Variants in ARHGAP17 observed in about 807,000 individuals in gnomAD.
ARHGAP17 encodes Rho GTPase activating protein 17.
In ARHGAP17, 57 loss-of-function variants were observed where a neutral mutation model predicts 99.5. The observed-to-expected ratio is 0.57, with a 90% CI of 0.46 to 0.71. ARHGAP17 has a LOEUF of 0.71. Ranked by LOEUF, ARHGAP17 falls within the 30% of genes least tolerant of loss-of-function variation. ARHGAP17 has a pLI of 0.00. For missense variants in ARHGAP17, 1,000 were observed against 1,122.4 expected, an observed-to-expected ratio of 0.89 and a Z score of 1.56; for synonymous variants, 417 against 429.6, an observed-to-expected ratio of 0.97 and a Z score of 0.36.
chr16:24,951,234 G>C (rs2051635820), intron 12 of ARHGAP17, among the ~76,000 whole-genome samples: 1 of 152,102 alleles, frequency 6.6e-6, no homozygotes, highest in Admixed American at 6.5e-5. Flanking sequence ...TATAGCATTT[G>C]GGTCTGTCTG....
chr16:24,984,400 C>T (rs1197626325), intron 1 of ARHGAP17, among the ~76,000 whole-genome samples: 1 of 152,186 alleles, frequency 6.6e-6, no homozygotes, highest in African/African-American at 2.4e-5. Context: ...GGCGCAGTGG[C>T]TCACGCCTGT....
chr16:24,954,192 T>G (rs771917377), intron 10 of ARHGAP17, among the ~76,000 whole-genome samples: 2 of 152,178 alleles, frequency 1.3e-5, no homozygotes, highest in Non-Finnish European at 2.9e-5. Context: ...AAATTAAGTA[T>G]GTAAATGACC....
intron 15 of ARHGAP17, 139 bp downstream of exon 15, chr16:24,943,632 C>G: frequency 1.4e-6 from 1 of 710,322 alleles, no homozygotes; most frequent in Non-Finnish European, 2.3e-6. Context: ...ATGCAATGAA[C>G]AAAGGCTGGA....
intron 1 of ARHGAP17, among the ~76,000 whole-genome samples, chr16:25,002,678 T>C (rs1262872610): frequency 2.0e-5 from 3 of 152,238 alleles, no homozygotes; most frequent in Admixed American, 1.3e-4. Context: ...AGTCCTGCTA[T>C]GTTGGGGTTG....
intron 1 of ARHGAP17, among the ~76,000 whole-genome samples, chr16:25,008,875 A>C (rs2053573426): frequency 6.6e-6 from 1 of 152,242 alleles, no homozygotes; most frequent in Non-Finnish European, 1.5e-5. Flanking sequence ...ATTTTCACTC[A>C]ACTATAAATA....
Position 24,968,782 on chromosome 16 carries a change from C to G in ARHGAP17, c.273-10G>C, listed in dbSNP as rs565735458. On this transcript the variant is annotated splice_polypyrimidine_tract_variant and intron_variant, in intron 4 of 19. Transcript: ENST00000289968. ...CGTCTCCAGCATCTTCCTTTAAAAACAAGACCCCCAACAACGAGCACGTGC... is the reference window on the plus strand; with the variant it reads ...CGTCTCCAGCATCTTCCTTTAAAAAGAAGACCCCCAACAACGAGCACGTGC... The G allele has an allele frequency of 6.2e-7, 1 of 1,613,882 alleles. No individual in the cohort carries two copies. Among genetic ancestry groups the G allele is most frequent in the East Asian group, 2.2e-5 (1 of 44,876 alleles).
intron 1 of ARHGAP17, among the ~76,000 whole-genome samples, chr16:25,010,941 A>T (rs1210389779): frequency 6.6e-6 from 1 of 152,238 alleles, no homozygotes; most frequent in Non-Finnish European, 1.5e-5. Flanking sequence ...GGGAAACTTC[A>T]GTCAGGGAAG....
At position 24,952,944 on chromosome 16, in the gene ARHGAP17, G is replaced by A. The variant is rs767321962; in HGVS notation, c.951C>T (p.Pro317=). 5.0e-6 allele frequency: 8 copies of A among 1,613,880 alleles called. No individual in the cohort carries two copies. In the African/African-American group the frequency reaches 9.3e-5, roughly 19 times the overall value. ...TSHLDEFYSD[P]HAVAGALKSY... ...TTTGGCGCTCACCTGCTACAGCATG[G>A]GGGTCTGAATAGAACTCATCCAGGT... Residue 317 remains proline (P), a synonymous_variant, in exon 11 of 20, where the codon CCC becomes CCT. Coordinates refer to ENST00000289968, the MANE Select transcript of ARHGAP17 (RefSeq NM_001006634.3).
chr16:24,950,996 G>A (rs970254359), intron 12 of ARHGAP17, among the ~76,000 whole-genome samples: 1 of 152,116 alleles, frequency 6.6e-6, no homozygotes, highest in African/African-American at 2.4e-5. Flanking sequence ...GTCCGTAGAC[G>A]GGGAAGAGGA....
intron 1 of ARHGAP17, among the ~76,000 whole-genome samples, chr16:24,995,575 G>A (rs958510415): frequency 2.6e-5 from 4 of 152,200 alleles, no homozygotes; most frequent in Non-Finnish European, 5.9e-5. Flanking sequence ...ATACATAAGT[G>A]ACTAAATGAA....
At chr16:24,941,219 C>T (rs1034857300) in intron 16 of ARHGAP17, among the ~76,000 whole-genome samples, 12 of 152,154 alleles carry the variant, frequency 7.9e-5, no homozygotes, top group Non-Finnish European at 1.6e-4. Flanking sequence ...CTTGTCACTT[C>T]GTTTTAATGT....
Position 24,970,589 on chromosome 16 carries a change from T to C in ARHGAP17, c.199-9A>G, listed in dbSNP as rs150621577. ...GTCAGAGGCAGTTTTTTCTGGAAGA[T>C]AGAAGACAGTGTGTGTTTTTCTCAT... is the stretch of plus-strand genomic sequence containing the variant. On this transcript the variant is annotated splice_polypyrimidine_tract_variant and intron_variant, in intron 3 of 19. Coordinates refer to ENST00000289968, the MANE Select transcript of ARHGAP17 (RefSeq NM_001006634.3). 2,234 of 1,610,308 alleles carry C rather than the reference T, an allele frequency of 1.4e-3. 33 individuals are homozygous for C. In the African/African-American group the frequency reaches 0.025, roughly 18 times the overall value.
At chr16:24,941,138 A>G (rs957411891) in intron 16 of ARHGAP17, among the ~76,000 whole-genome samples, 5 of 152,098 alleles carry the variant, frequency 3.3e-5, no homozygotes, top group African/African-American at 7.3e-5. Flanking sequence ...TGCTAGGGGT[A>G]AAAAATGCAA....
At chr16:25,013,672 CAA>C (rs1012177296) in intron 1 of ARHGAP17, among the ~76,000 whole-genome samples, 8 of 151,406 alleles carry the variant, frequency 5.3e-5, no homozygotes, top group Admixed American at 2.0e-4. Context: ...ACCCAGGAGT[CAA>C]AGAGACCCTA....
rs752215940 is a variant in ARHGAP17 at position 24,959,952 on chromosome 16, A to T, written c.601T>A (p.Phe201Ile). Reference sequence around the variant, plus strand: ...CCATACTCCCCTTCTTTGGCCATAAAGTTGTACATGTCTGCTGCAAGTTGA... The same window carrying T: ...CCATACTCCCCTTCTTTGGCCATAATGTTGTACATGTCTGCTGCAAGTTGA... ...KDQLAADMYN[F>I]MAKEGEYGKF... The change falls in exon 8 of 20, where the codon TTT (phenylalanine) becomes ATT (isoleucine). Residue 201 changes from phenylalanine to isoleucine, a missense_variant. Coordinates refer to ENST00000289968, the MANE Select transcript of ARHGAP17 (RefSeq NM_001006634.3). 2 of 1,614,074 alleles carry T rather than the reference A, an allele frequency of 1.2e-6. No homozygotes were observed. The highest frequency in any genetic ancestry group is 2.2e-5 in the South Asian group (2 of 91,082).
At chr16:24,971,037 A>G (rs968925238) in intron 3 of ARHGAP17, among the ~76,000 whole-genome samples, 2 of 152,108 alleles carry the variant, frequency 1.3e-5, no homozygotes, top group Non-Finnish European at 2.9e-5. Flanking sequence ...CACCACGTCC[A>G]GCTAATTTTT....
intron 8 of ARHGAP17, 32 bp from the exon 9 acceptor site, chr16:24,959,784 T>A: frequency 6.2e-7 from 1 of 1,611,124 alleles, no homozygotes; most frequent in Non-Finnish European, 8.5e-7. Flanking sequence ...AAAACAAAAG[T>A]AACGTTAGCA....
intron 19 of ARHGAP17, chr16:24,920,593 A>C: frequency 4.2e-6 from 1 of 240,864 alleles, no homozygotes; most frequent in Non-Finnish European, 8.3e-6. Context: ...CATGAGATGA[A>C]CCCTCCTGAT....
intron 2 of ARHGAP17, among the ~76,000 whole-genome samples, chr16:24,978,571 A>G (rs1183703845): frequency 6.6e-6 from 1 of 152,182 alleles, no homozygotes; most frequent in Non-Finnish European, 1.5e-5. Context: ...ATAATAGATC[A>G]CTAATATCTA....
Sources: allele counts gnomAD v4.1 joint callset (sites outside exome capture counted in the v4.1 genomes callset), GRCh38; gene constraint gnomAD v4.1.1; transcripts MANE v1.5; gene names NCBI Gene and HGNC (gene_info 2026-07-23, HGNC 2026-07-21).